FRMD6: variants seen among roughly 807,000 people sequenced by gnomAD.
FRMD6 encodes the protein FERM domain containing 6.
Under a neutral mutation model 73.2 loss-of-function variants are expected in FRMD6, and 37 were observed. That is an observed-to-expected ratio of 0.51 (90% CI 0.39 to 0.66). The LOEUF is 0.66. Among genes scored for constraint, FRMD6 ranks in the 30% least tolerant of loss-of-function variants. The probability of loss-of-function intolerance (pLI) is 0.00; values close to 1 mark genes in which losing one functional copy is unlikely to be tolerated. For missense variants in FRMD6, 714 were observed against 780.5 expected (o/e 0.91, Z 1.02); for synonymous variants, 273 against 282.2 (o/e 0.97, Z 0.33).
At chr14:51,725,980 A>T in intron 13 of FRMD6, 110 bp downstream of exon 13, 2 of 692,166 alleles carry the variant, frequency 2.9e-6, no homozygotes, top group Non-Finnish European at 5.1e-6. Context: ...TAAGGAAATG[A>T]TCCTTCCTAG....
chr14:51,707,940 CAG>C (rs1352199116), intron 6 of FRMD6, 136 bp from the exon 7 acceptor site: 3 of 705,230 alleles, frequency 4.3e-6, no homozygotes, highest in Non-Finnish European at 7.1e-6. Context: ...ATGGTGAAAA[CAG>C]AATGAATTTT....
chr14:51,482,943 C>G, the FRMD6 span, among the ~76,000 whole-genome samples: 1 of 152,074 alleles, frequency 6.6e-6, no homozygotes, highest in Non-Finnish European at 1.5e-5. Flanking sequence ...ACCTCGTGAT[C>G]TACCCGCCTC....
chr14:51,549,014 A>G (rs1417404470), intron 1 of FRMD6, among the ~76,000 whole-genome samples: 1 of 152,236 alleles, frequency 6.6e-6, no homozygotes, highest in Non-Finnish European at 1.5e-5. Flanking sequence ...TAGAGAGCTT[A>G]TCATTCTGTC....
At chr14:51,562,112 G>A (rs750401339) in intron 1 of FRMD6, among the ~76,000 whole-genome samples, 6 of 152,214 alleles carry the variant, frequency 3.9e-5, no homozygotes, top group Non-Finnish European at 5.9e-5. Flanking sequence ...CGAGTTGAGC[G>A]ATGAGTATTT....
chr14:51,507,486 G>C, intron 1 of FRMD6, among the ~76,000 whole-genome samples: 1 of 152,306 alleles, frequency 6.6e-6, no homozygotes, highest in East Asian at 1.9e-4. Flanking sequence ...ATTAGGTAGA[G>C]ACCCTGAATA....
intron 1 of FRMD6, among the ~76,000 whole-genome samples, chr14:51,551,317 A>G (rs1886818756): frequency 6.6e-6 from 1 of 152,266 alleles, no homozygotes; most frequent in Non-Finnish European, 1.5e-5. Context: ...AAAATAAAGT[A>G]TATAGGTTCA....
chr14:51,697,073 A>C (rs531533006), intron 2 of FRMD6, among the ~76,000 whole-genome samples: 4 of 152,284 alleles, frequency 2.6e-5, no homozygotes, highest in Admixed American at 1.3e-4. Flanking sequence ...TGGGAATGTA[A>C]ATTAGTACAG....
upstream of FRMD6, chr14:51,651,479 C>T (rs903313966): frequency 6.6e-6 from 1 of 152,066 alleles, no homozygotes; most frequent in Non-Finnish European, 1.5e-5. Flanking sequence ...CCGAGGGAGT[C>T]CAGCCGGAGG....
At chr14:51,461,199 G>C in the FRMD6 span, among the ~76,000 whole-genome samples, 1 of 152,162 alleles carries the variant, frequency 6.6e-6, no homozygotes, top group Non-Finnish European at 1.5e-5. Flanking sequence ...GAATTTCTGT[G>C]AGAAATTTCT....
At chr14:51,677,846 G>A (rs563815208) in intron 1 of FRMD6, among the ~76,000 whole-genome samples, 1 of 152,182 alleles carries the variant, frequency 6.6e-6, no homozygotes, top group South Asian at 2.1e-4. Flanking sequence ...TCTCCAGTCA[G>A]GTAGAGATTC....
intron 13 of FRMD6, among the ~76,000 whole-genome samples, chr14:51,726,118 C>T (rs1897941519): frequency 6.6e-6 from 1 of 152,164 alleles, no homozygotes; most frequent in South Asian, 2.1e-4. Context: ...TGGGAAGCCT[C>T]TGTTCTTCAG....
intron 1 of FRMD6, among the ~76,000 whole-genome samples, chr14:51,654,294 G>A (rs1342165587): frequency 1.9e-5 from 2 of 103,912 alleles, no homozygotes; most frequent in East Asian, 6.0e-4. Flanking sequence ...ACTGAACTAG[G>A]TTAGCTGAAT....
chr14:51,487,464 T>C (rs1309171995), upstream of FRMD6, among the ~76,000 whole-genome samples: 1 of 152,182 alleles, frequency 6.6e-6, no homozygotes, highest in African/African-American at 2.4e-5. Context: ...TGGGGGATCT[T>C]GTGAAAATGC....
the FRMD6 span, among the ~76,000 whole-genome samples, chr14:51,432,183 A>G: frequency 6.6e-6 from 1 of 152,220 alleles, no homozygotes; most frequent in Non-Finnish European, 1.5e-5. Context: ...TATTTACATT[A>G]TTGAAAAGAT....
chr14:51,678,639 A>G (rs1011115296), intron 1 of FRMD6, among the ~76,000 whole-genome samples: 8 of 152,120 alleles, frequency 5.3e-5, no homozygotes, highest in Admixed American at 2.6e-4. Context: ...CTGGATACCT[A>G]TACAGAGCCA....
At chr14:51,657,880 C>A (rs1892948272) in intron 1 of FRMD6, among the ~76,000 whole-genome samples, 2 of 152,158 alleles carry the variant, frequency 1.3e-5, no homozygotes, top group Non-Finnish European at 2.9e-5. Context: ...CCTTAGGTGA[C>A]ATCTAGCCAG....
At chr14:51,522,579 T>G (rs1214980148) in intron 1 of FRMD6, among the ~76,000 whole-genome samples, 5 of 152,156 alleles carry the variant, frequency 3.3e-5, no homozygotes. Context: ...CTCTAGGAAA[T>G]GGAGCATGAA....
At chr14:51,616,147 G>A (rs1890700099) in intron 2 of FRMD6, among the ~76,000 whole-genome samples, 1 of 152,084 alleles carries the variant, frequency 6.6e-6, no homozygotes, top group Non-Finnish European at 1.5e-5. Flanking sequence ...CGCATGAGAG[G>A]ATAGGAAGTT....
At chr14:51,493,636 C>G (rs1416692177) in intron 1 of FRMD6, among the ~76,000 whole-genome samples, 2 of 152,132 alleles carry the variant, frequency 1.3e-5, no homozygotes, top group African/African-American at 4.8e-5. Flanking sequence ...TCAGCTGTGT[C>G]TTTATTAGCA....
Sources: gnomAD v4.1 joint callset for allele counts (sites outside exome capture counted in the v4.1 genomes callset) on GRCh38, gnomAD v4.1.1 for gene constraint, MANE v1.5 for transcripts, NCBI Gene and HGNC (gene_info 2026-07-23, HGNC 2026-07-21) for gene names.